CHRM5: variants seen among roughly 807,000 people sequenced by gnomAD.
The protein encoded by CHRM5 is muscarinic acetylcholine receptor M5.
CHRM5 carries 18 observed loss-of-function variants against 39.0 expected under a neutral mutation model. That is an observed-to-expected ratio of 0.46 (90% CI 0.32 to 0.68). The LOEUF is 0.68. CHRM5 is among the 30% of genes least tolerant of loss of function. The probability of loss-of-function intolerance (pLI) is 0.04; values close to 1 mark genes in which losing one functional copy is unlikely to be tolerated. For synonymous variants in CHRM5, 241 were observed against 246.3 expected, an observed-to-expected ratio of 0.98 and a Z score of 0.20; for missense variants, 515 against 651.1, an observed-to-expected ratio of 0.79 and a Z score of 2.28.
At chr15:34,028,501 G>A (rs1351656806) in intron 1 of CHRM5, among the ~76,000 whole-genome samples, 1 of 152,196 alleles carries the variant, frequency 6.6e-6, no homozygotes, top group African/African-American at 2.4e-5. Context: ...GGAGGTCAAG[G>A]CTTTGGTGAG....
intron 1 of CHRM5, chr15:33,991,093 T>A (rs375024504): frequency 6.6e-6 from 1 of 152,218 alleles, no homozygotes; most frequent in East Asian, 1.9e-4. Context: ...AATTATTTTA[T>A]GTCTAATCTT....
intron 1 of CHRM5, among the ~76,000 whole-genome samples, chr15:33,992,423 C>A (rs1896768281): frequency 6.6e-6 from 1 of 152,064 alleles, no homozygotes; most frequent in African/African-American, 2.4e-5. Flanking sequence ...AAATTAGGCC[C>A]AATATTCAAT....
chr15:33,981,099 A>G (rs527103), intron 1 of CHRM5, among the ~76,000 whole-genome samples: 115,156 of 152,030 alleles, frequency 0.76, 48,654 homozygotes, highest in Non-Finnish European at 0.95. Context: ...CCAGTTTTGG[A>G]CAGCAACCCC....
chr15:34,051,808 A>G (rs1185331551), intron 2 of CHRM5, among the ~76,000 whole-genome samples: 1 of 152,102 alleles, frequency 6.6e-6, no homozygotes, highest in East Asian at 1.9e-4. Context: ...GAATCCCTTA[A>G]TAGACCAATA....
In CHRM5 at chr15:34,065,188, C is replaced by T. The variant is rs776128945; in HGVS notation, c.*872C>T. ...GCCCATTTGAACCCATTTATTTATGCTCTGTTCTTAGGAAGACTAATTGTG... is the reference window on the plus strand; with the variant it reads ...GCCCATTTGAACCCATTTATTTATGTTCTGTTCTTAGGAAGACTAATTGTG... On this transcript the variant is annotated 3_prime_UTR_variant, in exon 3 of 3. Transcript: ENST00000383263. The T allele has an allele frequency of 2.0e-5, 3 of 153,482 alleles. No individual in the cohort carries two copies. The highest frequency in any genetic ancestry group is 2.9e-5 in the Non-Finnish European group (2 of 68,048). 9.5% of individuals were successfully genotyped at this position (153,482 alleles called of 1,614,324 possible).
At chr15:34,037,233 C>T (rs1899185090) in intron 1 of CHRM5, among the ~76,000 whole-genome samples, 1 of 152,078 alleles carries the variant, frequency 6.6e-6, no homozygotes, top group Non-Finnish European at 1.5e-5. Context: ...GTCCTGTGCG[C>T]CAGACACCAT....
At chr15:34,000,305 C>G (rs570954235) in intron 1 of CHRM5, among the ~76,000 whole-genome samples, 1 of 152,312 alleles carries the variant, frequency 6.6e-6, no homozygotes, top group African/African-American at 2.4e-5. Context: ...TATATCTGTT[C>G]TGTTCACCAC....
intron 1 of CHRM5, among the ~76,000 whole-genome samples, chr15:33,982,755 CATG>C (rs1231949200): frequency 6.6e-6 from 1 of 151,414 alleles, no homozygotes; most frequent in African/African-American, 2.4e-5. Context: ...ATGCTTTCCC[CATG>C]ATGTTTTCCC....
chr15:34,065,014 A>C lies in CHRM5; in HGVS notation c.*698A>C, dbSNP rs772855294. ...CTTCCTCTCAGAATCCAGAGTCTGG[A>C]AGGACTGAAACCTGGTCATACCCAG... On this transcript the variant is annotated 3_prime_UTR_variant, in exon 3 of 3. Transcript: ENST00000383263. 2 of 167,084 alleles carry C rather than the reference A, an allele frequency of 1.2e-5. No homozygotes were observed. The highest frequency in any genetic ancestry group is 2.9e-5 in the Non-Finnish European group (2 of 68,148). The allele number at this position is 167,084 out of a possible 1,614,324, so 10.4% of individuals were successfully genotyped here.
At chr15:33,986,635 C>A (rs977461879) in intron 1 of CHRM5, among the ~76,000 whole-genome samples, 1 of 111,570 alleles carries the variant, frequency 9.0e-6, no homozygotes, top group Non-Finnish European at 2.2e-5. Flanking sequence ...TAGATCATGA[C>A]CATAAGGCTC....
At chr15:33,998,968 G>C (rs1897040045) in intron 1 of CHRM5, among the ~76,000 whole-genome samples, 5 of 152,156 alleles carry the variant, frequency 3.3e-5, no homozygotes, top group Admixed American at 2.0e-4. Context: ...CCCAGGCCTG[G>C]ATCCTGAACC....
At chr15:34,013,172 AT>A (rs1395109335) in intron 1 of CHRM5, among the ~76,000 whole-genome samples, 2 of 151,738 alleles carry the variant, frequency 1.3e-5, no homozygotes, top group African/African-American at 2.4e-5. Context: ...AGCGATTCTC[AT>A]GTCTCAGCCT....
At chr15:34,015,626 A>G (rs2140685245) in intron 1 of CHRM5, among the ~76,000 whole-genome samples, 1 of 152,344 alleles carries the variant, frequency 6.6e-6, no homozygotes, top group East Asian at 1.9e-4. Flanking sequence ...ATAAAAAAGT[A>G]ACAGTTGTCA....
In CHRM5 at chr15:34,038,912, C is replaced by CCCGCCGCCGCCT. The variant is rs758764557; in HGVS notation, c.-407-7614_-407-7603dup. 5,415 of 1,111,876 alleles carry CCCGCCGCCGCCT rather than the reference C, an allele frequency of 4.9e-3. 187 individuals are homozygous for CCCGCCGCCGCCT. In the African/African-American group the frequency reaches 0.078, roughly 16 times the overall value. 68.9% of individuals were successfully genotyped at this position (1,111,876 alleles called of 1,614,324 possible). ...CACGGCCCCGGCGTCCGCCTCCGTCCCCGCCGCCGCCTCCGCCGCCGCCTC... is the reference window on the plus strand; with the variant it reads ...CACGGCCCCGGCGTCCGCCTCCGTCCCCGCCGCCGCCTCCGCCGCCGCCTCCGCCGCCGCCTC... On this transcript the variant is annotated intron_variant, in intron 1 of 2. Transcript: ENST00000383263.
At chr15:34,015,536 T>C (rs1897858750) in intron 1 of CHRM5, among the ~76,000 whole-genome samples, 1 of 152,158 alleles carries the variant, frequency 6.6e-6, no homozygotes, top group Non-Finnish European at 1.5e-5. Context: ...TGTTTTATTA[T>C]AATACAATCT....
chr15:33,999,652 C>T (rs1897063827), intron 1 of CHRM5, among the ~76,000 whole-genome samples: 1 of 152,146 alleles, frequency 6.6e-6, no homozygotes, highest in Non-Finnish European at 1.5e-5. Flanking sequence ...GTAGATCTAA[C>T]CCAACCACTT....
chr15:34,021,379 G>A (rs1196144906), intron 1 of CHRM5, among the ~76,000 whole-genome samples: 6 of 151,402 alleles, frequency 4.0e-5, no homozygotes, highest in Non-Finnish European at 7.4e-5. Flanking sequence ...TCTGCCTCCC[G>A]GGTTCAAGTG....
At chr15:34,046,190 C>T (rs992906057) in intron 1 of CHRM5, among the ~76,000 whole-genome samples, 2 of 152,084 alleles carry the variant, frequency 1.3e-5, no homozygotes, top group African/African-American at 4.8e-5. Flanking sequence ...AACATTCAGG[C>T]TGGAAACTCA....
At chr15:34,009,296 A>G (rs1406900819) in intron 1 of CHRM5, among the ~76,000 whole-genome samples, 1 of 152,216 alleles carries the variant, frequency 6.6e-6, no homozygotes. Context: ...GGTCCTAAAC[A>G]GCAATTCAAA....
Sources: allele counts gnomAD v4.1 joint callset (sites outside exome capture counted in the v4.1 genomes callset), GRCh38; gene constraint gnomAD v4.1.1; transcripts MANE v1.5; gene names NCBI Gene and HGNC (gene_info 2026-07-23, HGNC 2026-07-21).